The following KCTD1 variants were observed in gnomAD, a reference collection of about 807,000 sequenced individuals.
KCTD1 encodes BTB/POZ domain-containing protein KCTD1.
KCTD1 carries 24 observed loss-of-function variants against 66.0 expected under a neutral mutation model. The observed-to-expected ratio is 0.36, with a 90% CI of 0.26 to 0.51. KCTD1 has a LOEUF of 0.51. Among genes scored for constraint, KCTD1 ranks in the 20% least tolerant of loss-of-function variants. KCTD1 has a pLI of 0.95. For synonymous variants in KCTD1, 511 were observed against 517.2 expected, an observed-to-expected ratio of 0.99 and a Z score of 0.16; for missense variants, 943 against 1,205.2, an observed-to-expected ratio of 0.78 and a Z score of 3.22.
At chr18:26,506,693 G>T (rs960315324) in intron 1 of KCTD1, among the ~76,000 whole-genome samples, 42 of 152,170 alleles carry the variant, frequency 2.8e-4, no homozygotes, top group Admixed American at 2.3e-3. Flanking sequence ...GTCTGGAGAA[G>T]AGGAGGTAGA....
At position 26,476,748 on chromosome 18, in the gene KCTD1, T is replaced by A; in HGVS notation, c.1989-89A>T. 1 of 1,226,084 alleles carries A rather than the reference T, an allele frequency of 8.2e-7. No homozygotes were observed. The highest frequency in any genetic ancestry group is 2.4e-5 in the East Asian group (1 of 41,380). 76.0% of individuals were successfully genotyped at this position (1,226,084 alleles called of 1,614,324 possible). On this transcript the variant is annotated intron_variant, in intron 2 of 4. Coordinates refer to ENST00000580059, the MANE Select transcript of KCTD1 (RefSeq NM_001142730.3). The surrounding 1 kb of genome is among the most constrained non-coding windows in gnomAD (Gnocchi z 4.9). The stretch of plus-strand genomic sequence containing the variant: ...AGGTGTCTTTTATCACTGTCAAAGG[T>A]AGCACTTTTGAAGATGGCAGTAGGG...
chr18:26,517,700 C>T (rs1983725608), intron 1 of KCTD1, among the ~76,000 whole-genome samples: 1 of 150,720 alleles, frequency 6.6e-6, no homozygotes, highest in Non-Finnish European at 1.5e-5. Context: ...TTTCCCTGCA[C>T]AAGCTATCCT....
chr18:26,498,510 T>C (rs993800169), intron 2 of KCTD1, among the ~76,000 whole-genome samples: 5 of 150,756 alleles, frequency 3.3e-5, no homozygotes, highest in Non-Finnish European at 7.4e-5. Flanking sequence ...CAAGTAAAAT[T>C]AATTTTAATA....
At chr18:26,599,525 C>T (rs911025820) in intron 1 of KCTD1, 16 of 1,558,048 alleles carry the variant, frequency 1.0e-5, no homozygotes, top group South Asian at 3.3e-5. Context: ...CAATGAGGGC[C>T]GTGGGTCTGT....
At chr18:26,610,872 CT>C (rs1360194734) in intron 1 of KCTD1, among the ~76,000 whole-genome samples, 1 of 152,050 alleles carries the variant, frequency 6.6e-6, no homozygotes, top group Non-Finnish European at 1.5e-5. Context: ...TTCTCTGGCT[CT>C]TTTAAGATTT....
At chr18:26,540,955 GTC>G (rs575444610) in intron 1 of KCTD1, among the ~76,000 whole-genome samples, 4 of 152,126 alleles carry the variant, frequency 2.6e-5, no homozygotes, top group Non-Finnish European at 5.9e-5. Context: ...CCCAGGAAAG[GTC>G]TGGATTATGA....
upstream of KCTD1, among the ~76,000 whole-genome samples, chr18:26,630,007 G>A (rs147158675): frequency 6.6e-6 from 1 of 152,136 alleles, no homozygotes; most frequent in South Asian, 2.1e-4. Context: ...TGGTTCCTGA[G>A]GTATAGCCCA....
chr18:26,583,411 A>T (rs1388685151), intron 1 of KCTD1, among the ~76,000 whole-genome samples: 1 of 151,234 alleles, frequency 6.6e-6, no homozygotes, highest in Non-Finnish European at 1.5e-5. Context: ...AAAAAAAAAA[A>T]AAAAAAGAAA....
intron 2 of KCTD1, among the ~76,000 whole-genome samples, chr18:26,483,159 G>A (rs1424297141): frequency 1.3e-5 from 2 of 152,358 alleles, no homozygotes; most frequent in Non-Finnish European, 2.9e-5. Context: ...AACTGGAAAA[G>A]TATAGACGGT....
chr18:26,648,328 A>T (rs1987967621), intron 1 of KCTD1, among the ~76,000 whole-genome samples: 1 of 152,210 alleles, frequency 6.6e-6, no homozygotes, highest in African/African-American at 2.4e-5. Context: ...AAAGAGCAAG[A>T]CAATTTAAAA....
At chr18:26,623,019 T>C (rs1987421960) in intron 1 of KCTD1, among the ~76,000 whole-genome samples, 1 of 152,224 alleles carries the variant, frequency 6.6e-6, no homozygotes, top group Non-Finnish European at 1.5e-5. Context: ...CTGGTTAATA[T>C]GTGTTGAACA....
chr18:26,473,429 G>A (rs1353102957), intron 3 of KCTD1, among the ~76,000 whole-genome samples: 1 of 152,042 alleles, frequency 6.6e-6, no homozygotes, highest in East Asian at 1.9e-4. Context: ...GGGAGGGAGA[G>A]CATTAGGATA....
chr18:26,513,748 T>C (rs536463065), intron 1 of KCTD1, among the ~76,000 whole-genome samples: 1 of 152,362 alleles, frequency 6.6e-6, no homozygotes, highest in African/African-American at 2.4e-5. Flanking sequence ...ATATAAGCCA[T>C]AGAGATTCAA....
intron 1 of KCTD1, among the ~76,000 whole-genome samples, chr18:26,613,801 T>C (rs1318891233): frequency 2.0e-5 from 3 of 152,196 alleles, no homozygotes; most frequent in African/African-American, 7.2e-5. Context: ...ATTTCATACA[T>C]TTATTCATCA....
At chr18:26,612,498 G>T (rs544560831) in intron 1 of KCTD1, among the ~76,000 whole-genome samples, 2 of 152,326 alleles carry the variant, frequency 1.3e-5, no homozygotes, top group African/African-American at 4.8e-5. Flanking sequence ...AACTTGGACA[G>T]AGACGTGTAC....
At chr18:26,599,979 T>G in intron 1 of KCTD1, 1 of 1,610,558 alleles carries the variant, frequency 6.2e-7, no homozygotes, top group Non-Finnish European at 8.5e-7. Context: ...CAGTGGACCC[T>G]GCTGCTGCCA....
chr18:26,642,569 A>G (rs778976670), upstream of KCTD1, among the ~76,000 whole-genome samples: 1 of 152,214 alleles, frequency 6.6e-6, no homozygotes, highest in Non-Finnish European at 1.5e-5. Context: ...AATACAAACT[A>G]GAGCACTAAC....
At chr18:26,608,067 G>A (rs1987056649) in intron 1 of KCTD1, among the ~76,000 whole-genome samples, 1 of 152,018 alleles carries the variant, frequency 6.6e-6, no homozygotes, top group African/African-American at 2.4e-5. Flanking sequence ...CACTGCACCT[G>A]GTCTCAAATT....
At position 26,455,668 on chromosome 18, in the gene KCTD1, T is replaced by G. The variant is rs982563165; in HGVS notation, c.*75A>C. 6.9e-6 allele frequency: 11 copies of G among 1,595,372 alleles called. No homozygotes were observed. The African/African-American group carries it at 1.4e-4, about 20-fold the overall frequency. On this transcript the variant is annotated 3_prime_UTR_variant, in exon 5 of 5. Coordinates refer to ENST00000580059, the MANE Select transcript of KCTD1 (RefSeq NM_001142730.3). ...CCAGGACTTGGTTTGCTGTCCCAACTGCACATAAATGTCCCTTTTTTGTTT... is the reference window on the plus strand; with the variant it reads ...CCAGGACTTGGTTTGCTGTCCCAACGGCACATAAATGTCCCTTTTTTGTTT...
Sources: gnomAD v4.1 joint callset for allele counts (sites outside exome capture counted in the v4.1 genomes callset) on GRCh38, gnomAD v4.1.1 for gene constraint, Gnocchi (gnomAD v3.1) non-coding constraint, MANE v1.5 for transcripts, NCBI Gene and HGNC (gene_info 2026-07-23, HGNC 2026-07-21) for gene names.